EGFLAM: variants seen among roughly 807,000 people sequenced by gnomAD.
EGFLAM encodes the protein EGF like, fibronectin type III and laminin G domains.
EGFLAM carries 79 observed loss-of-function variants against 113.1 expected under a neutral mutation model. The ratio of observed to expected loss-of-function variants is 0.70; its 90% confidence interval spans 0.58 to 0.84. The LOEUF (loss-of-function observed/expected upper bound fraction) is 0.84, where lower values mean the gene tolerates loss of function less well. EGFLAM is among the 40% of genes least tolerant of loss of function. The probability of loss-of-function intolerance (pLI) is 0.00; values close to 1 mark genes in which losing one functional copy is unlikely to be tolerated. For synonymous variants in EGFLAM, 504 were observed against 487.6 expected, an observed-to-expected ratio of 1.03 and a Z score of -0.44; for missense variants, 1,265 against 1,291.6, an observed-to-expected ratio of 0.98 and a Z score of 0.32.
chr5:38,402,904 A>G (rs1741161276), intron 6 of EGFLAM, among the ~76,000 whole-genome samples: 3 of 152,244 alleles, frequency 2.0e-5, no homozygotes, highest in African/African-American at 7.2e-5. Context: ...ATAGGAAATC[A>G]TAGGATAAAG....
At chr5:38,262,441 C>T (rs1757522021) in intron 1 of EGFLAM, among the ~76,000 whole-genome samples, 2 of 152,118 alleles carry the variant, frequency 1.3e-5, no homozygotes, top group African/African-American at 4.8e-5. Context: ...GTAATGTAAT[C>T]ACCGCCGGAA....
chr5:38,332,425 T>A (rs971583601), intron 1 of EGFLAM, among the ~76,000 whole-genome samples: 5 of 152,026 alleles, frequency 3.3e-5, no homozygotes, highest in Admixed American at 6.6e-5. Flanking sequence ...TTTTTACTCA[T>A]CTCCCTCCAC....
chr5:38,386,257 C>T (rs1477108277), intron 6 of EGFLAM, among the ~76,000 whole-genome samples: 3 of 152,154 alleles, frequency 2.0e-5, no homozygotes, highest in East Asian at 1.9e-4. Context: ...AGTGCAATGG[C>T]GCCATCTTGG....
intron 19 of EGFLAM, among the ~76,000 whole-genome samples, chr5:38,454,869 C>T (rs1431194155): frequency 6.6e-6 from 1 of 152,082 alleles, no homozygotes; most frequent in East Asian, 1.9e-4. Context: ...CAATGGGATT[C>T]TAAAAATGTA....
chr5:38,259,721 G>A (rs904042576), intron 1 of EGFLAM, among the ~76,000 whole-genome samples: 7 of 152,254 alleles, frequency 4.6e-5, no homozygotes, highest in African/African-American at 1.7e-4. Context: ...TGTAAGGGAG[G>A]TTGTCTTATG....
intron 6 of EGFLAM, among the ~76,000 whole-genome samples, chr5:38,385,711 A>G (rs955336386): frequency 6.6e-6 from 1 of 152,214 alleles, no homozygotes; most frequent in Non-Finnish European, 1.5e-5. Context: ...CATACCCTTC[A>G]GTTCCAATTT....
rs150225782 is a variant in EGFLAM, at chr5:38,410,529, G to A, written c.1349+1425G>A. On this transcript the variant is annotated intron_variant, in intron 10 of 21. Coordinates refer to ENST00000322350, the MANE Select transcript of EGFLAM (RefSeq NM_152403.4). ...GGCCTGAGAAGTGGCTGCAGTTAAT[G>A]CAAATCCTAGTAAGGAAAATGCCGG... Among the ~76,000 whole-genome samples, 701 of 152,288 alleles carry A rather than the reference G, an allele frequency of 4.6e-3. 5 individuals are homozygous for A. Among genetic ancestry groups the A allele is most frequent in the Middle Eastern group, 0.017 (5 of 294 alleles).
At chr5:38,330,368 C>T (rs1248480810) in intron 1 of EGFLAM, among the ~76,000 whole-genome samples, 5 of 152,120 alleles carry the variant, frequency 3.3e-5, no homozygotes, top group African/African-American at 4.8e-5. Context: ...CAGGACCCAT[C>T]GCCAGTCTTG....
chr5:38,460,157 T>A (rs1422315069), intron 20 of EGFLAM, among the ~76,000 whole-genome samples: 1 of 152,208 alleles, frequency 6.6e-6, no homozygotes, highest in Non-Finnish European at 1.5e-5. Context: ...CCACACTTGA[T>A]CCCTACAAAT....
chr5:38,261,614 TC>T (rs1329072044), intron 1 of EGFLAM, among the ~76,000 whole-genome samples: 3 of 152,290 alleles, frequency 2.0e-5, no homozygotes, highest in African/African-American at 7.2e-5. Context: ...TAGGGTGTCT[TC>T]CTGGAGGCTG....
Position 38,365,621 on chromosome 5 carries a change from T to C in EGFLAM, c.546-4675T>C, listed in dbSNP as rs145658070. 6.4e-3 allele frequency among the ~76,000 whole-genome samples: 969 copies of C among 152,286 alleles called. 13 individuals carry two copies. Among genetic ancestry groups the C allele is most frequent in the African/African-American group, 0.021 (875 of 41,560 alleles). On this transcript the variant is annotated intron_variant, in intron 5 of 21. Coordinates refer to ENST00000322350, the MANE Select transcript of EGFLAM (RefSeq NM_152403.4). ...GTGAGTGGCAAGATCAATTTAATGG[T>C]CTTTTACCAGCATTTTGTTTTTTAA...
At chr5:38,313,206 C>T (rs1044601526) in intron 1 of EGFLAM, among the ~76,000 whole-genome samples, 2 of 152,070 alleles carry the variant, frequency 1.3e-5, no homozygotes, top group African/African-American at 4.8e-5. Flanking sequence ...CATGATTTTG[C>T]TCTGCATAAT....
In EGFLAM at chr5:38,360,076, A is replaced by G. The variant is rs540887818; in HGVS notation, c.545+7745A>G. On this transcript the variant is annotated intron_variant, in intron 5 of 21. Coordinates refer to ENST00000322350, the MANE Select transcript of EGFLAM (RefSeq NM_152403.4). Reference sequence around the variant, plus strand: ...CTTCCATCTCATCATAGACTTCCATATTCTGTAAGTAACAAAGGAACTTAA... The same window carrying G: ...CTTCCATCTCATCATAGACTTCCATGTTCTGTAAGTAACAAAGGAACTTAA... Among the ~76,000 whole-genome samples, 6 of 152,308 alleles carry G rather than the reference A, an allele frequency of 3.9e-5. No individual in the cohort carries two copies. The South Asian group carries it at 1.2e-3, about 32-fold the overall frequency.
chr5:38,315,200 A>G (rs1738560589), intron 1 of EGFLAM, among the ~76,000 whole-genome samples: 1 of 152,114 alleles, frequency 6.6e-6, no homozygotes, highest in Admixed American at 6.5e-5. Context: ...GCATATCTCA[A>G]ATCTCATTTA....
At chr5:38,338,427 C>T (rs552089401) in intron 2 of EGFLAM, among the ~76,000 whole-genome samples, 3 of 152,288 alleles carry the variant, frequency 2.0e-5, no homozygotes, top group Admixed American at 2.0e-4. Context: ...CCAGGAGGCT[C>T]ATGCATTTTG....
At chr5:38,301,039 G>A (rs532920563) in intron 1 of EGFLAM, among the ~76,000 whole-genome samples, 1 of 152,282 alleles carries the variant, frequency 6.6e-6, no homozygotes, top group Non-Finnish European at 1.5e-5. Context: ...TCTTGGAGGT[G>A]TTGTTACATG....
intron 15 of EGFLAM, among the ~76,000 whole-genome samples, chr5:38,432,709 A>C (rs1237659322): frequency 6.6e-6 from 1 of 152,220 alleles, no homozygotes; most frequent in Non-Finnish European, 1.5e-5. Context: ...ACATCTGTAA[A>C]ACAGGAACAA....
At chr5:38,295,286 A>G (rs1219690691) in intron 1 of EGFLAM, among the ~76,000 whole-genome samples, 1 of 152,234 alleles carries the variant, frequency 6.6e-6, no homozygotes, top group African/African-American at 2.4e-5. Context: ...TTTATTGAAT[A>G]TTGCAGTGAC....
At chr5:38,375,181 AATGTGGGTAAAACATAT>A in intron 6 of EGFLAM, among the ~76,000 whole-genome samples, 1 of 152,144 alleles carries the variant, frequency 6.6e-6, no homozygotes, top group East Asian at 1.9e-4. Flanking sequence ...CACATACAGA[AATGTGGGTAAAACATAT>A]ATGTGCACTG....
Sources: gnomAD v4.1 joint callset for allele counts (sites outside exome capture counted in the v4.1 genomes callset) on GRCh38, gnomAD v4.1.1 for gene constraint, MANE v1.5 for transcripts, NCBI Gene and HGNC (gene_info 2026-07-23, HGNC 2026-07-21) for gene names.